The following DCBLD1 variants were observed in gnomAD, a reference collection of about 807,000 sequenced individuals.
The protein encoded by DCBLD1 is discoidin, CUB and LCCL domain-containing protein 1.
DCBLD1 carries 57 observed loss-of-function variants against 71.5 expected under a neutral mutation model. The observed-to-expected ratio is 0.80, with a 90% CI of 0.64 to 0.99. The LOEUF is 0.99. DCBLD1 is among the 50% of genes least tolerant of loss of function. The pLI is 0.00. For synonymous variants in DCBLD1, 380 were observed against 363.8 expected (o/e 1.04, Z -0.51); for missense variants, 891 against 923.5 (o/e 0.96, Z 0.46).
At chr6:117,482,984 C>T in intron 1 of DCBLD1, 91 bp downstream of exon 1, 5 of 912,844 alleles carry the variant, frequency 5.5e-6, no homozygotes, top group Non-Finnish European at 5.1e-6. Flanking sequence ...CCGAGGGCTA[C>T]GGGGCGGGCC....
In DCBLD1 at chr6:117,548,229, C is replaced by T. The variant is rs1161488049; in HGVS notation, c.1938C>T (p.Gly646=). 11 of 1,550,568 alleles carry T rather than the reference C, an allele frequency of 7.1e-6. No individual in the cohort carries two copies. Among genetic ancestry groups the T allele is most frequent in the East Asian group, 4.9e-5 (2 of 40,912 alleles). ...GCTTCTCCCCCGTAGCGGGTGTGGGCGCCCAGGACGGAGACTATCAAAGGC... is the reference window on the plus strand; with the variant it reads ...GCTTCTCCCCCGTAGCGGGTGTGGGTGCCCAGGACGGAGACTATCAAAGGC... ...SGGFSPVAGV[G]AQDGDYQRPH... is the part of the protein sequence containing the mutation. The change falls in exon 15 of 15, where the codon GGC becomes GGT. Residue 646 remains glycine, a synonymous_variant. Coordinates refer to ENST00000338728, the MANE Select transcript of DCBLD1 (RefSeq NM_001366458.2).
intron 6 of DCBLD1, 96 bp downstream of exon 6, chr6:117,532,489 G>A: frequency 1.4e-6 from 2 of 1,416,182 alleles, no homozygotes; most frequent in Non-Finnish European, 1.9e-6. Context: ...GCAGGGATGT[G>A]ATAGCAAGGG....
At position 117,499,378 on chromosome 6, in the gene DCBLD1, G is replaced by T. The variant is rs143483222; in HGVS notation, c.113-4389G>T. 5.2e-3 allele frequency among the ~76,000 whole-genome samples: 792 copies of T among 151,210 alleles called. 9 individuals carry two copies. Among genetic ancestry groups the T allele is most frequent in the African/African-American group, 0.018 (732 of 41,100 alleles). On this transcript the variant is annotated intron_variant, in intron 1 of 14. Coordinates refer to ENST00000338728, the MANE Select transcript of DCBLD1 (RefSeq NM_001366458.2). ...GCTGTGATTGTGCCACTGTATTCCAGCCTGGGTGATGGAATGAGACCGTCT... is the reference window on the plus strand; with the variant it reads ...GCTGTGATTGTGCCACTGTATTCCATCCTGGGTGATGGAATGAGACCGTCT...
chr6:117,535,092 C>T (rs900962750), intron 6 of DCBLD1, among the ~76,000 whole-genome samples: 2 of 152,192 alleles, frequency 1.3e-5, no homozygotes, highest in African/African-American at 2.4e-5. Flanking sequence ...AAACACTGTA[C>T]ATGCGGTCAT....
At chr6:117,515,275 G>A (rs1253329097) in intron 2 of DCBLD1, among the ~76,000 whole-genome samples, 1 of 151,556 alleles carries the variant, frequency 6.6e-6, no homozygotes, top group Non-Finnish European at 1.5e-5. Flanking sequence ...GCTCACCTTG[G>A]CCTCCCACAG....
chr6:117,547,195 C>G (rs1779293933), intron 14 of DCBLD1, among the ~76,000 whole-genome samples: 1 of 152,194 alleles, frequency 6.6e-6, no homozygotes, highest in South Asian at 2.1e-4. Flanking sequence ...GACTTCCTAG[C>G]AAGACAATCA....
intron 8 of DCBLD1, 76 bp downstream of exon 8, chr6:117,538,911 T>G (rs1778997377): frequency 2.8e-6 from 4 of 1,441,562 alleles, no homozygotes; most frequent in Non-Finnish European, 3.8e-6. Flanking sequence ...AAAATACGCT[T>G]ATTGTTTACA....
At chr6:117,544,760 G>A (rs746354933) in intron 13 of DCBLD1, among the ~76,000 whole-genome samples, 183 bp downstream of exon 13, 5 of 151,780 alleles carry the variant, frequency 3.3e-5, no homozygotes, top group Admixed American at 6.6e-5. Context: ...TTATTTTAAT[G>A]GCCACTTTAC....
chr6:117,522,882 A>T (rs868177512), intron 4 of DCBLD1, among the ~76,000 whole-genome samples: 1 of 152,160 alleles, frequency 6.6e-6, no homozygotes, highest in African/African-American at 2.4e-5. Context: ...AGGGCTACAC[A>T]CCTCGTAAGT....
At chr6:117,490,461 A>G (rs1215368759) in intron 1 of DCBLD1, among the ~76,000 whole-genome samples, 1 of 152,216 alleles carries the variant, frequency 6.6e-6, no homozygotes, top group Non-Finnish European at 1.5e-5. Context: ...GCCAACTTAT[A>G]ATTGATGTGT....
intron 12 of DCBLD1, chr6:117,544,306 A>G: frequency 2.1e-6 from 1 of 467,110 alleles, no homozygotes; most frequent in Non-Finnish European, 3.7e-6. Context: ...ATTAGTATAT[A>G]TTCTTCTAGT....
chr6:117,527,942 A>G (rs1778595955), intron 5 of DCBLD1, among the ~76,000 whole-genome samples: 1 of 152,214 alleles, frequency 6.6e-6, no homozygotes, highest in Non-Finnish European at 1.5e-5. Flanking sequence ...ACCTGCCCCC[A>G]GAACAGTTTT....
chr6:117,544,590 CTCTA>C lies in DCBLD1; in HGVS notation c.1495+18_1495+21del, dbSNP rs1254791131. ...GCTCAGAAAACAGGTTGGTTGAAAA[CTCTA>C]TCTACAATTTTATCTGTCTTTGAGG... is the stretch of plus-strand genomic sequence containing the variant. On this transcript the variant is annotated intron_variant, in intron 13 of 14. Coordinates refer to ENST00000338728, the MANE Select transcript of DCBLD1 (RefSeq NM_001366458.2). 1 of 1,613,630 alleles carries C rather than the reference CTCTA, an allele frequency of 6.2e-7. No individual in the cohort carries two copies. The highest frequency in any genetic ancestry group is 1.3e-5 in the African/African-American group (1 of 74,918).
At position 117,549,551 on chromosome 6, in the gene DCBLD1, A is replaced by G. The variant is rs1779387793; in HGVS notation, c.*1112A>G. ...ATGGGAGATTTAACCTCTTTTGCCA[A>G]AGAGGGAAGTGTGTGTGTTTTTTTA... On this transcript the variant is annotated 3_prime_UTR_variant, in exon 15 of 15. Transcript: ENST00000338728. 1 of 985,234 alleles carries G rather than the reference A, an allele frequency of 1.0e-6. No homozygotes were observed. Among genetic ancestry groups the G allele is most frequent in the African/African-American group, 1.7e-5 (1 of 57,192 alleles). The allele number at this position is 985,234 out of a possible 1,614,324, so 61.0% of individuals were successfully genotyped here. A position where few individuals can be genotyped will look rare whatever the true frequency, so the allele number is the denominator to read the frequency against.
intron 14 of DCBLD1, among the ~76,000 whole-genome samples, chr6:117,569,192 G>A (rs550707664): frequency 3.9e-4 from 60 of 152,250 alleles, no homozygotes; most frequent in Middle Eastern, 3.4e-3. Context: ...TTCTAGCACT[G>A]TCTTTTCTGT....
intron 6 of DCBLD1, among the ~76,000 whole-genome samples, chr6:117,532,883 C>T (rs184289460): frequency 2.0e-5 from 3 of 152,258 alleles, no homozygotes; most frequent in African/African-American, 7.2e-5. Context: ...ACGTTATATT[C>T]TTCGTTTGTT....
In DCBLD1 at chr6:117,519,946, T is replaced by G. The variant is rs749428322; in HGVS notation, c.456T>G (p.His152Gln). Reference protein sequence around the residue: ...GFLLTYASSDHPDLITCLERA... With the variant: ...GFLLTYASSDQPDLITCLERA... ...TGCTGACCTATGCGAGCAGCGACCATCCAGGTATAACGGAAGAATCAACAC... is the reference window on the plus strand; with the variant it reads ...TGCTGACCTATGCGAGCAGCGACCAGCCAGGTATAACGGAAGAATCAACAC... Residue 152 changes from histidine to glutamine, a missense_variant, in exon 3 of 15, where the codon CAT (histidine) becomes CAG (glutamine). By Grantham distance (24) the His-to-Gln change is conservative (BLOSUM62 0). Transcript: ENST00000338728. The G allele has an allele frequency of 1.3e-5, 21 of 1,613,794 alleles. No homozygotes were observed. Among genetic ancestry groups the G allele is most frequent in the African/African-American group, 2.7e-5 (2 of 74,904 alleles).
chr6:117,484,550 T>G (rs1777018476), intron 1 of DCBLD1, among the ~76,000 whole-genome samples: 1 of 152,100 alleles, frequency 6.6e-6, no homozygotes, highest in Non-Finnish European at 1.5e-5. Flanking sequence ...GGTTTAGCCA[T>G]ATTACGCAGG....
At chr6:117,511,260 G>A (rs911228144) in intron 2 of DCBLD1, among the ~76,000 whole-genome samples, 2 of 152,218 alleles carry the variant, frequency 1.3e-5, no homozygotes, top group African/African-American at 4.8e-5. Context: ...TAAAGTGGGA[G>A]TCTGAGAAAT....
Sources: gnomAD v4.1 joint callset for allele counts (sites outside exome capture counted in the v4.1 genomes callset) on GRCh38, gnomAD v4.1.1 for gene constraint, MANE v1.5 for transcripts, NCBI Gene and HGNC (gene_info 2026-07-23, HGNC 2026-07-21) for gene names.